Variants in ATP6V1B2 observed in about 807,000 individuals in gnomAD.
ATP6V1B2 encodes ATPase H+ transporting V1 subunit B2.
In ATP6V1B2, 23 loss-of-function variants were observed where a neutral mutation model predicts 66.7. The observed-to-expected ratio is 0.34, with a 90% CI of 0.25 to 0.49. ATP6V1B2 has a LOEUF of 0.49. Ranked by LOEUF, ATP6V1B2 falls within the 20% of genes least tolerant of loss-of-function variation. The probability of loss-of-function intolerance (pLI) is 0.99; values close to 1 mark genes in which losing one functional copy is unlikely to be tolerated. For missense variants in ATP6V1B2, 478 were observed against 650.8 expected, an observed-to-expected ratio of 0.73 and a Z score of 2.89; for synonymous variants, 278 against 236.7, an observed-to-expected ratio of 1.17 and a Z score of -1.60.
chr8:20,207,974 G>A (rs908220371), intron 2 of ATP6V1B2, among the ~76,000 whole-genome samples: 2 of 152,326 alleles, frequency 1.3e-5, no homozygotes, highest in Non-Finnish European at 2.9e-5. Flanking sequence ...AAGTTCCTCA[G>A]TATTGGTACA....
rs145499703 is a variant in ATP6V1B2 at position 20,216,056 on chromosome 8, A to T, written c.1079-357A>T. ...TTAATGAATGCAGCCAGTTTACCTCATAGAGCCAACACATGTCTAACTGCT... is the reference window on the plus strand; with the variant it reads ...TTAATGAATGCAGCCAGTTTACCTCTTAGAGCCAACACATGTCTAACTGCT... On this transcript the variant is annotated intron_variant, in intron 10 of 13. Coordinates refer to ENST00000276390, the MANE Select transcript of ATP6V1B2 (RefSeq NM_001693.4). 1.2e-3 allele frequency: 193 copies of T among 161,032 alleles called. No individual in the cohort carries two copies. The East Asian group carries it at 0.013, about 11-fold the overall frequency. The allele number at this position is 161,032 out of a possible 1,614,324, so 10.0% of individuals were successfully genotyped here.
chr8:20,207,923 A>G (rs569616715), intron 2 of ATP6V1B2, among the ~76,000 whole-genome samples: 25 of 152,358 alleles, frequency 1.6e-4, no homozygotes, highest in African/African-American at 5.3e-4. Flanking sequence ...AGTCTGACTT[A>G]TCAGTAATAT....
chr8:20,218,642 C>G (rs1298358637), intron 13 of ATP6V1B2, among the ~76,000 whole-genome samples: 1 of 152,048 alleles, frequency 6.6e-6, no homozygotes, highest in African/African-American at 2.4e-5. Flanking sequence ...TTTCCTGATT[C>G]ATCTATATTC....
chr8:20,211,157 C>T lies in ATP6V1B2; in HGVS notation c.464-20C>T. ...TAATGCGGCAACTTGTTGAAATTTT[C>T]CTTTTTGGAAATACATTAGGTCAGC... is the stretch of plus-strand genomic sequence containing the variant. On this transcript the variant is annotated intron_variant, in intron 5 of 13. Transcript: ENST00000276390. 1 of 1,594,682 alleles carries T rather than the reference C, an allele frequency of 6.3e-7. No homozygotes were observed. The highest frequency in any genetic ancestry group is 2.3e-5 in the East Asian group (1 of 43,958).
chr8:20,214,733 T>C (rs1219708912), intron 9 of ATP6V1B2, 85 bp from the exon 10 acceptor site: 1 of 1,395,538 alleles, frequency 7.2e-7, no homozygotes, highest in African/African-American at 1.5e-5. Context: ...TTCAACTTTG[T>C]ACTTTGGCAT....
chr8:20,208,777 G>C (rs2072763442), intron 2 of ATP6V1B2, among the ~76,000 whole-genome samples: 1 of 146,354 alleles, frequency 6.8e-6, no homozygotes, highest in African/African-American at 2.5e-5. Flanking sequence ...GCACGATCTT[G>C]GCTCACTGCA....
At chr8:20,199,661 T>C (rs926003596) in intron 1 of ATP6V1B2, among the ~76,000 whole-genome samples, 3 of 134,756 alleles carry the variant, frequency 2.2e-5, no homozygotes, top group Non-Finnish European at 4.6e-5. Flanking sequence ...CAGGCTGGAG[T>C]GCAGAGTGGC....
intron 12 of ATP6V1B2, among the ~76,000 whole-genome samples, chr8:20,217,570 CA>C (rs1373803623): frequency 6.6e-6 from 1 of 152,112 alleles, no homozygotes; most frequent in Non-Finnish European, 1.5e-5. Context: ...AATAAAAAGC[CA>C]AGCAATGAGG....
intron 8 of ATP6V1B2, 78 bp downstream of exon 8, chr8:20,212,277 T>C: frequency 7.4e-7 from 1 of 1,352,278 alleles, no homozygotes; most frequent in Non-Finnish European, 1.0e-6. Context: ...AGGTAAAATG[T>C]GGTAATAACA....
At chr8:20,216,949 G>T in intron 11 of ATP6V1B2, 2 of 385,686 alleles carry the variant, frequency 5.2e-6, no homozygotes, top group East Asian at 8.9e-5. Context: ...TTATCAAACA[G>T]ATGTTGAAAG....
At position 20,214,987 on chromosome 8, in the gene ATP6V1B2, A is replaced by G; in HGVS notation, c.1078+19A>G. 6.2e-7 allele frequency: 1 copy of G among 1,611,208 alleles called. No individual in the cohort carries two copies. On this transcript the variant is annotated intron_variant, in intron 10 of 13. Transcript: ENST00000276390. ...AATGATGGTAAGTTTTGGTATTTGG[A>G]TTATAACACACCTAATCATTTTAAA...
intron 2 of ATP6V1B2, among the ~76,000 whole-genome samples, chr8:20,207,300 T>G (rs973724452): frequency 2.0e-5 from 3 of 152,184 alleles, no homozygotes; most frequent in Non-Finnish European, 4.4e-5. Flanking sequence ...AGAATTCGAC[T>G]TGGTAAATCA....
In ATP6V1B2 at chr8:20,212,143, A is replaced by G. The variant is rs1331707772; in HGVS notation, c.747A>G (p.Glu249=). ...CCCGGTTCTTCAAATCTGACTTTGA[A>G]GAAAATGGCTCAATGGACAATGTCT... is the stretch of plus-strand genomic sequence containing the variant. ...ETARFFKSDF[E]ENGSMDNVCL... The change falls in exon 8 of 14, where the codon GAA becomes GAG. Residue 249 remains glutamate (E), a synonymous_variant. Transcript: ENST00000276390. 8.7e-6 allele frequency: 14 copies of G among 1,613,598 alleles called. No individual in the cohort carries two copies. The highest frequency in any genetic ancestry group is 1.2e-5 in the Non-Finnish European group (14 of 1,179,796).
intron 3 of ATP6V1B2, 91 bp downstream of exon 3, chr8:20,209,622 T>C: frequency 8.1e-7 from 1 of 1,238,622 alleles, no homozygotes; most frequent in Non-Finnish European, 1.2e-6. Flanking sequence ...ATTGCATAAG[T>C]GTTTTTAGAG....
At chr8:20,219,306 G>C (rs2072885315) in intron 13 of ATP6V1B2, among the ~76,000 whole-genome samples, 1 of 152,082 alleles carries the variant, frequency 6.6e-6, no homozygotes, top group Non-Finnish European at 1.5e-5. Flanking sequence ...CTTGGCCATT[G>C]GTGCCAACTT....
intron 5 of ATP6V1B2, 48 bp from the exon 6 acceptor site, chr8:20,211,129 G>T: frequency 6.3e-7 from 1 of 1,588,716 alleles, no homozygotes. Flanking sequence ...TTTCATTCAT[G>T]AATAATGCGG....
intron 8 of ATP6V1B2, 82 bp from the exon 9 acceptor site, chr8:20,212,700 G>A (rs975069477): frequency 5.1e-6 from 8 of 1,559,022 alleles, no homozygotes; most frequent in African/African-American, 1.4e-5. Context: ...GAATTGTACT[G>A]TTATTTCCAG....
intron 2 of ATP6V1B2, among the ~76,000 whole-genome samples, chr8:20,208,158 C>T (rs1300417848): frequency 6.6e-6 from 1 of 152,138 alleles, no homozygotes; most frequent in African/African-American, 2.4e-5. Flanking sequence ...TGGGCATGGC[C>T]TGTATGTGGC....
chr8:20,208,641 G>A (rs556326975), intron 2 of ATP6V1B2, among the ~76,000 whole-genome samples: 4 of 151,876 alleles, frequency 2.6e-5, no homozygotes, highest in African/African-American at 9.7e-5. Flanking sequence ...ATCTTGTTAG[G>A]AGAACTAGAT....
Sources: allele counts gnomAD v4.1 joint callset (sites outside exome capture counted in the v4.1 genomes callset), GRCh38; gene constraint gnomAD v4.1.1; transcripts MANE v1.5; gene names NCBI Gene and HGNC (gene_info 2026-07-23, HGNC 2026-07-21).